DHX35: variants seen among roughly 807,000 people sequenced by gnomAD.
DHX35 encodes DEAH-box helicase 35, also known as probable ATP-dependent RNA helicase DHX35.
A neutral mutation model predicts 99.6 loss-of-function variants in DHX35; 84 were observed. The ratio of observed to expected loss-of-function variants is 0.84; its 90% CI spans 0.71 to 1.01. The LOEUF is 1.01. Ranked by LOEUF, DHX35 falls within the 50% of genes least tolerant of loss-of-function variation. The probability of loss-of-function intolerance (pLI) is 0.00; values close to 1 mark genes in which losing one functional copy is unlikely to be tolerated. For missense variants in DHX35, 852 were observed against 888.5 expected, an observed-to-expected ratio of 0.96 and a Z score of 0.52; for synonymous variants, 331 against 316.2, an observed-to-expected ratio of 1.05 and a Z score of -0.50.
At chr20:39,038,032 C>T (rs1359082627) in intron 21 of DHX35, among the ~76,000 whole-genome samples, 2 of 152,098 alleles carry the variant, frequency 1.3e-5, no homozygotes, top group Non-Finnish European at 2.9e-5. Context: ...AGCATGGGTA[C>T]CTGGTGTGTT....
chr20:38,970,418 A>G (rs2085976961), intron 2 of DHX35, among the ~76,000 whole-genome samples: 1 of 152,218 alleles, frequency 6.6e-6, no homozygotes, highest in Admixed American at 6.5e-5. Flanking sequence ...TCCTCAAGTG[A>G]CTAACACATT....
chr20:38,986,752 A>G (rs1386365278), intron 4 of DHX35, among the ~76,000 whole-genome samples: 2 of 152,362 alleles, frequency 1.3e-5, no homozygotes, highest in East Asian at 1.9e-4. Flanking sequence ...GAGGCAGAGC[A>G]ATGTAGGATA....
chr20:39,015,136 T>C (rs1054362569), intron 14 of DHX35, among the ~76,000 whole-genome samples: 5 of 152,136 alleles, frequency 3.3e-5, no homozygotes, highest in African/African-American at 4.8e-5. Flanking sequence ...TGACAGCCAG[T>C]ATATAAAACA....
At position 39,038,499 on chromosome 20, in the gene DHX35, C is replaced by T. The variant is rs1333448352; in HGVS notation, c.2068C>T (p.His690Tyr). 4.3e-6 allele frequency: 7 copies of T among 1,613,642 alleles called. No individual in the cohort carries two copies. The highest frequency in any genetic ancestry group is 1.1e-5 in the South Asian group (1 of 91,082). Residue 690 changes from histidine to tyrosine, a missense_variant and splice_region_variant, in exon 22 of 22, where the codon CAC (histidine) becomes TAC (tyrosine). By Grantham distance (83) the His-to-Tyr change is moderately conservative. Transcript: ENST00000252011. ...TGTAGTGTCTTCTCTTCTGTTGCAG[C>T]ACCTGTCTCTGAAAGCCAAAAGGGC... The part of the protein sequence containing the change: ...LAPHFYQQGT[H>Y]LSLKAKRAKV...
At chr20:39,002,733 C>G (rs1252384331) in intron 9 of DHX35, 39 bp from the exon 10 acceptor site, 3 of 1,555,914 alleles carry the variant, frequency 1.9e-6, no homozygotes, top group Non-Finnish European at 2.7e-6. Flanking sequence ...AATTAATGAG[C>G]ATATTCTAGT....
chr20:38,983,013 C>T (rs550302169), intron 3 of DHX35, among the ~76,000 whole-genome samples: 1 of 151,604 alleles, frequency 6.6e-6, no homozygotes, highest in Non-Finnish European at 1.5e-5. Context: ...GCAACCTCCA[C>T]CTCCCAGGTT....
intron 3 of DHX35, among the ~76,000 whole-genome samples, chr20:38,982,893 A>C (rs1330501017): frequency 6.6e-6 from 1 of 152,128 alleles, no homozygotes; most frequent in Non-Finnish European, 1.5e-5. Flanking sequence ...ATATTAAATA[A>C]GTAGGTAACT....
Position 38,971,998 on chromosome 20 carries a change from T to C in DHX35, c.175-561T>C, listed in dbSNP as rs2086005284. On this transcript the variant is annotated intron_variant, in intron 2 of 21. Transcript: ENST00000252011. ...CTATAATTTCTTGTTTTTTTTGTTTTGTTTTGTTTTTTTTTTTTTTTTTTT... is the reference window on the plus strand; with the variant it reads ...CTATAATTTCTTGTTTTTTTTGTTTCGTTTTGTTTTTTTTTTTTTTTTTTT... 2.2e-5 allele frequency among the ~76,000 whole-genome samples: 3 copies of C among 135,956 alleles called. No homozygotes were observed. In the South Asian group the frequency reaches 6.8e-4, roughly 31 times the overall value. The allele number at this position is 135,956 out of a possible 152,430, so 89.2% of individuals were successfully genotyped here. A position where few individuals can be genotyped will look rare whatever the true frequency, so the allele number is the denominator to read the frequency against.
chr20:38,979,939 TC>T (rs1329432777), intron 3 of DHX35, among the ~76,000 whole-genome samples: 1 of 152,092 alleles, frequency 6.6e-6, no homozygotes, highest in East Asian at 1.9e-4. Context: ...GTGGAGTTCT[TC>T]CTAATTCTGT....
intron 13 of DHX35, among the ~76,000 whole-genome samples, chr20:39,014,090 T>G (rs977358309): frequency 6.6e-6 from 1 of 152,222 alleles, no homozygotes; most frequent in African/African-American, 2.4e-5. Flanking sequence ...ATAAAATACA[T>G]TTGTTATGTG....
Position 39,021,848 on chromosome 20 carries a change from C to T in DHX35, c.1506C>T (p.Phe502=), listed in dbSNP as rs564381081. The change falls in exon 16 of 22, where the codon TTC becomes TTT. Residue 502 remains phenylalanine (F), a synonymous_variant. Transcript: ENST00000252011. ...FAKMLLESGN[F]GCSQEILSIA... ...ATGCTTTTTGTTTTACAGGAAACTT[C>T]GGCTGTTCTCAGGAAATTCTAAGCA... is the stretch of plus-strand genomic sequence containing the variant. 7.2e-5 allele frequency: 117 copies of T among 1,614,084 alleles called. No homozygotes were observed. Among genetic ancestry groups the T allele is most frequent in the Admixed American group, 1.3e-4 (8 of 60,016 alleles).
chr20:39,022,778 T>A (rs935842962), intron 16 of DHX35, among the ~76,000 whole-genome samples: 1 of 152,204 alleles, frequency 6.6e-6, no homozygotes. Flanking sequence ...GCATCAGCAA[T>A]GACTAATTGA....
At chr20:38,995,022 A>G (rs1261530131) in intron 8 of DHX35, 142 bp downstream of exon 8, 1 of 660,602 alleles carries the variant, frequency 1.5e-6, no homozygotes, top group African/African-American at 1.8e-5. Flanking sequence ...CCTAGATTTC[A>G]TATAATCAGA....
chr20:39,023,726 G>A lies in DHX35; in HGVS notation c.1630G>A (p.Asp544Asn), dbSNP rs2086907841. 1.9e-6 allele frequency: 3 copies of A among 1,613,982 alleles called. No individual in the cohort carries two copies. The highest frequency in any genetic ancestry group is 2.5e-6 in the Non-Finnish European group (3 of 1,179,948). ...VHRKFAVEEG[D>N]HLTMLNIYEA... is the part of the protein sequence containing the mutation. ...CCGTAAATTTGCTGTGGAGGAGGGC[G>A]ACCACCTCACTATGCTCAATATATA... Residue 544 changes from aspartate to asparagine, a missense_variant, in exon 17 of 22, where the codon GAC becomes AAC. By Grantham distance (23) the Asp-to-Asn change is conservative. Coordinates refer to ENST00000252011, the MANE Select transcript of DHX35 (RefSeq NM_021931.4).
intron 8 of DHX35, 103 bp from the exon 9 acceptor site, chr20:39,001,627 T>A (rs2086521353): frequency 8.9e-6 from 7 of 785,148 alleles, no homozygotes; most frequent in Non-Finnish European, 1.4e-5. Context: ...ATAATCTTGC[T>A]ACTCACCTGT....
intron 15 of DHX35, among the ~76,000 whole-genome samples, chr20:39,020,843 A>G (rs2086862152): frequency 6.6e-6 from 1 of 151,818 alleles, no homozygotes; most frequent in South Asian, 2.1e-4. Context: ...TTGTATTTTT[A>G]GTAGAGATGG....
At chr20:39,004,625 G>A (rs891805926) in intron 11 of DHX35, among the ~76,000 whole-genome samples, 7 of 152,214 alleles carry the variant, frequency 4.6e-5, no homozygotes, top group Non-Finnish European at 8.8e-5. Context: ...AATTCAAGGT[G>A]TGGCTTAAAA....
At chr20:38,968,471 G>A (rs2085942699) in intron 1 of DHX35, among the ~76,000 whole-genome samples, 1 of 152,196 alleles carries the variant, frequency 6.6e-6, no homozygotes. Flanking sequence ...ATGGAGGCCA[G>A]AAGTAAAGAC....
At chr20:39,006,935 A>C (rs1445121080) in intron 12 of DHX35, among the ~76,000 whole-genome samples, 1 of 152,218 alleles carries the variant, frequency 6.6e-6, no homozygotes, top group Non-Finnish European at 1.5e-5. Flanking sequence ...TCCAGCTTGA[A>C]GACAGCCTTA....
Sources: allele counts gnomAD v4.1 joint callset (sites outside exome capture counted in the v4.1 genomes callset), GRCh38; gene constraint gnomAD v4.1.1; transcripts MANE v1.5; gene names NCBI Gene and HGNC (gene_info 2026-07-23, HGNC 2026-07-21).